USH2A: variants seen among roughly 807,000 people sequenced by gnomAD.
The protein encoded by USH2A is Usher syndrome 2A (autosomal recessive, mild).
A neutral mutation model predicts 538.9 loss-of-function variants in USH2A; 443 were observed. The observed-to-expected ratio is 0.82, with a 90% confidence interval of 0.76 to 0.89. The LOEUF is 0.89. Among genes scored for constraint, USH2A ranks in the 40% least tolerant of loss-of-function variants. The pLI, the probability that USH2A is intolerant of heterozygous loss-of-function variation, is 0.00. For missense variants in USH2A, 6,633 were observed against 6,324.8 expected (o/e 1.05, Z -1.65); for synonymous variants, 2,413 against 2,273.5 (o/e 1.06, Z -1.75).
intron 37 of USH2A, among the ~76,000 whole-genome samples, chr1:215,964,082 A>G (rs984998758): frequency 6.6e-6 from 1 of 152,178 alleles, no homozygotes; most frequent in African/African-American, 2.4e-5. Flanking sequence ...ACTGAAGATG[A>G]CATGACTTAG....
chr1:216,299,711 C>T (rs2037178013), intron 9 of USH2A, among the ~76,000 whole-genome samples: 1 of 152,080 alleles, frequency 6.6e-6, no homozygotes, highest in Non-Finnish European at 1.5e-5. Context: ...TTAAATTACA[C>T]ACAGATGAGC....
rs375083165 is a variant in USH2A, at chr1:216,422,024, G to A, written c.313C>T (p.Leu105Phe). The change falls in exon 2 of 72, where the codon CTC (leucine) becomes TTC (phenylalanine). Residue 105 changes from leucine (L) to phenylalanine (F), a missense_variant. Transcript: ENST00000307340. ...PTYTALFSAG[L>F]SSCITPDKND... Reference sequence around the variant, plus strand: ...TTGTCTGGTGTGATGCAGCTACTGAGGCCTGCTGAGAAAAGGGCAGTGTAG... The same window carrying A: ...TTGTCTGGTGTGATGCAGCTACTGAAGCCTGCTGAGAAAAGGGCAGTGTAG... 1.7e-4 allele frequency: 279 copies of A among 1,613,926 alleles called. No individual in the cohort carries two copies. Among genetic ancestry groups the A allele is most frequent in the Non-Finnish European group, 3.3e-5 (39 of 1,179,920 alleles).
rs529621629 is a variant in USH2A at position 216,401,353 on chromosome 1, G to A, written c.651+17161C>T. Among the ~76,000 whole-genome samples the A allele has an allele frequency of 1.5e-4, 23 of 152,070 alleles. No homozygotes were observed. In the South Asian group the frequency reaches 4.6e-3, roughly 30 times the overall value. ...CTAAAATGTGTTCACGTAACCTACA[G>A]CAAGGTCAGAAAAGAGAAATGCAGA... On this transcript the variant is annotated intron_variant, in intron 3 of 71. Coordinates refer to ENST00000307340, the MANE Select transcript of USH2A (RefSeq NM_206933.4).
intron 9 of USH2A, among the ~76,000 whole-genome samples, chr1:216,300,623 C>G (rs549422857): frequency 6.6e-6 from 1 of 152,004 alleles, no homozygotes; most frequent in African/African-American, 2.4e-5. Context: ...TCTTATGGAT[C>G]ATTAAACTGA....
rs567077038 is a variant in USH2A, at chr1:215,903,456, A to C, written c.7301-2551T>G. On this transcript the variant is annotated intron_variant, in intron 38 of 71. Transcript: ENST00000307340. The stretch of plus-strand genomic sequence containing the variant: ...TCTAAAGACTGGAAGATGTTGCAGC[A>C]TATAGGCATGTTTGTTGGAAGAATC... 2.0e-5 allele frequency among the ~76,000 whole-genome samples: 3 copies of C among 152,256 alleles called. No individual in the cohort carries two copies. In the South Asian group the frequency reaches 6.2e-4, roughly 32 times the overall value.
At chr1:215,881,660 G>A (rs148936400) in intron 41 of USH2A, among the ~76,000 whole-genome samples, 2 of 152,184 alleles carry the variant, frequency 1.3e-5, no homozygotes, top group Admixed American at 1.3e-4. Context: ...CATGTTATTG[G>A]CCTGAATAAG....
At chr1:216,205,386 C>CA (rs2035088955) in intron 16 of USH2A, among the ~76,000 whole-genome samples, 1 of 152,168 alleles carries the variant, frequency 6.6e-6, no homozygotes, top group African/African-American at 2.4e-5. Context: ...GTTCATTTCC[C>CA]TTTGCAATCT....
rs144520489 is a variant in USH2A, at chr1:215,647,595, C to A, written c.14718G>T (p.Lys4906Asn). 2.5e-6 allele frequency: 4 copies of A among 1,614,140 alleles called. No homozygotes were observed. The highest frequency in any genetic ancestry group is 3.4e-6 in the Non-Finnish European group (4 of 1,180,022). ...LGGLQPYTTYKLRVVAHNEVG... is the reference protein window; with the variant it reads ...LGGLQPYTTYNLRVVAHNEVG... ...CCTCGTTGTGTGCCACCACTCTCAG[C>A]TTGTATGTGGTGTAGGGCTGGAGAC... is the stretch of plus-strand genomic sequence containing the variant. The change falls in exon 67 of 72, where the codon AAG (lysine) becomes AAT (asparagine). Residue 4906 changes from lysine (K) to asparagine (N), a missense_variant. Physicochemically the swap from Lys to Asn is moderately conservative, Grantham distance 94. Transcript: ENST00000307340.
chr1:216,103,128 C>A (rs561718983), intron 21 of USH2A, among the ~76,000 whole-genome samples: 1 of 152,266 alleles, frequency 6.6e-6, no homozygotes, highest in Admixed American at 6.5e-5. Context: ...CAAAAATCCA[C>A]GTATGATGTT....
intron 61 of USH2A, among the ~76,000 whole-genome samples, chr1:215,684,768 C>A (rs1025788320): frequency 6.6e-6 from 1 of 152,160 alleles, no homozygotes; most frequent in African/African-American, 2.4e-5. Context: ...TCTCCCTTAT[C>A]CTGGGCTCTT....
At chr1:215,986,003 G>T (rs1468312859) in intron 35 of USH2A, among the ~76,000 whole-genome samples, 2 of 152,118 alleles carry the variant, frequency 1.3e-5, no homozygotes, top group Non-Finnish European at 2.9e-5. Flanking sequence ...TCACAAAGAT[G>T]GGCCAATATG....
intron 38 of USH2A, among the ~76,000 whole-genome samples, chr1:215,903,216 CTT>C (rs1470549824): frequency 6.6e-6 from 1 of 152,086 alleles, no homozygotes; most frequent in Middle Eastern, 3.2e-3. Context: ...GGAGTTGAAA[CTT>C]TGCATTTGGC....
intron 64 of USH2A, among the ~76,000 whole-genome samples, chr1:215,658,398 AT>A: frequency 6.6e-6 from 1 of 151,960 alleles, no homozygotes; most frequent in Admixed American, 6.6e-5. Context: ...CTAATTTTGC[AT>A]TTTTCCTCTC....
chr1:215,630,484 A>ATGTG (rs1420156571), intron 70 of USH2A, among the ~76,000 whole-genome samples: 46 of 10,584 alleles, frequency 4.3e-3, no homozygotes, highest in African/African-American at 9.1e-3. Flanking sequence ...GTGTGTGTGT[A>ATGTG]TATATATATA....
intron 25 of USH2A, 84 bp downstream of exon 25, chr1:216,084,614 G>A (rs1188308344): frequency 6.8e-7 from 1 of 1,478,648 alleles, no homozygotes; most frequent in Non-Finnish European, 9.3e-7. Context: ...ATGAGGTCAA[G>A]TTAATCAAAC....
In USH2A at chr1:215,836,848, G is replaced by A. The variant is rs181041864; in HGVS notation, c.9371+1143C>T. ...TGGGATTACAGGCGTGAGCCACCAC[G>A]CCCCACCTTGCCTTCTATATTATTA... is the stretch of plus-strand genomic sequence containing the variant. On this transcript the variant is annotated intron_variant, in intron 47 of 71. Coordinates refer to ENST00000307340, the MANE Select transcript of USH2A (RefSeq NM_206933.4). Among the ~76,000 whole-genome samples, 717 of 151,370 alleles carry A rather than the reference G, an allele frequency of 4.7e-3. 3 individuals carry two copies. The highest frequency in any genetic ancestry group is 0.021 in the Middle Eastern group (6 of 292).
chr1:215,872,941 C>T (rs1295518027), intron 43 of USH2A, among the ~76,000 whole-genome samples: 1 of 152,082 alleles, frequency 6.6e-6, no homozygotes, highest in African/African-American at 2.4e-5. Flanking sequence ...GAAGCCTTCA[C>T]CAGAGGAAGA....
chr1:216,220,543 G>T (rs548355374), intron 14 of USH2A, among the ~76,000 whole-genome samples: 1 of 151,136 alleles, frequency 6.6e-6, no homozygotes, highest in Non-Finnish European at 1.5e-5. Context: ...TGCTTGGGCT[G>T]AACGTTAAAA....
chr1:216,225,958 T>C (rs1041274698), intron 14 of USH2A, among the ~76,000 whole-genome samples: 4 of 152,178 alleles, frequency 2.6e-5, no homozygotes, highest in South Asian at 2.1e-4. Flanking sequence ...TTAACATGTA[T>C]GTAGTGGTTG....
Sources: gnomAD v4.1 joint callset for allele counts (sites outside exome capture counted in the v4.1 genomes callset) on GRCh38, gnomAD v4.1.1 for gene constraint, MANE v1.5 for transcripts, NCBI Gene and HGNC (gene_info 2026-07-23, HGNC 2026-07-21) for gene names.